Variants in EPHA10 observed in about 807,000 individuals in gnomAD.
EPHA10 encodes the protein ephrin type-A receptor 10.
Under a neutral mutation model 109.7 loss-of-function variants are expected in EPHA10, and 120 were observed. The ratio of observed to expected loss-of-function variants is 1.09; its 90% CI spans 0.94 to 1.27. The LOEUF is 1.27. Among genes scored for constraint, EPHA10 ranks in the 50% most tolerant of loss-of-function variants. The pLI, the probability that EPHA10 is intolerant of heterozygous loss-of-function variation, is 0.00. For synonymous variants in EPHA10, 640 were observed against 618.9 expected (o/e 1.03, Z -0.51); for missense variants, 1,396 against 1,411.1 (o/e 0.99, Z 0.17).
chr1:37,753,252 T>C, intron 4 of EPHA10, 26 bp from the exon 5 acceptor site: 2 of 1,012,594 alleles, frequency 2.0e-6, no homozygotes, highest in Non-Finnish European at 2.4e-6. Flanking sequence ...GGCGGGGCGG[T>C]CAGGGCGGGG....
At chr1:37,731,957 A>G (rs12127877) in intron 6 of EPHA10, among the ~76,000 whole-genome samples, 27,130 of 152,282 alleles carry the variant, frequency 0.18, 2,533 homozygotes, top group Middle Eastern at 0.27. Flanking sequence ...CTCAAAGGAC[A>G]GAATGAGAGA....
At chr1:37,760,174 T>C (rs1646419365) in intron 3 of EPHA10, 22 of 653,446 alleles carry the variant, frequency 3.4e-5, no homozygotes, top group East Asian at 7.8e-5. Flanking sequence ...TTGTGATTTT[T>C]AAATTTTTGC....
At chr1:37,757,637 A>G (rs572432738) in intron 3 of EPHA10, among the ~76,000 whole-genome samples, 2 of 152,226 alleles carry the variant, frequency 1.3e-5, no homozygotes, top group East Asian at 3.9e-4. Flanking sequence ...TTCTGTTCTC[A>G]TCAGACATGG....
rs1645827399 is a variant in EPHA10, at chr1:37,723,103, ACAGC to A, written c.1894_1897del (p.Ala632CysfsTer42). 2 of 1,614,096 alleles carry A rather than the reference ACAGC, an allele frequency of 1.2e-6. No individual in the cohort carries two copies. The highest frequency in any genetic ancestry group is 2.7e-5 in the African/African-American group (2 of 74,932). ...ATCCAGTTCCTTGGCGAACAGATGC[ACAGC>A]CTGCAGCAGGTCCCCACAGCTCTGG... On this transcript the variant is annotated frameshift_variant, in exon 10 of 17. Coordinates refer to ENST00000373048, the MANE Select transcript of EPHA10 (RefSeq NM_001099439.2). LOFTEE classifies it high-confidence loss of function.
intron 11 of EPHA10, among the ~76,000 whole-genome samples, chr1:37,721,261 A>G (rs1471478855): frequency 6.6e-6 from 1 of 150,640 alleles, no homozygotes; most frequent in Admixed American, 6.6e-5. Context: ...CTACTAAAAA[A>G]AAAAAAAAAC....
intron 4 of EPHA10, among the ~76,000 whole-genome samples, chr1:37,753,634 A>G (rs1057037193): frequency 4.2e-5 from 6 of 143,556 alleles, no homozygotes; most frequent in Non-Finnish European, 7.6e-5. Context: ...AGGGCGGATG[A>G]GCCCGGGGCA....
chr1:37,720,432 C>A lies in EPHA10; in HGVS notation c.2331G>T (p.Leu777=). Reference sequence around the variant, plus strand: ...TCTTGCAGACAAGGTCGCTGCTGACCAGCACATGGCGAGCTGCCAGGCCCC... The same window carrying A: ...TCTTGCAGACAAGGTCGCTGCTGACAAGCACATGGCGAGCTGCCAGGCCCC... ...VHRGLAARHV[L]VSSDLVCKIS... is the part of the protein sequence containing the mutation. The change falls in exon 13 of 17, where the codon CTG becomes CTT. Residue 777 remains leucine, a synonymous_variant. Coordinates refer to ENST00000373048, the MANE Select transcript of EPHA10 (RefSeq NM_001099439.2). 1 of 1,613,554 alleles carries A rather than the reference C, an allele frequency of 6.2e-7. No homozygotes were observed. The highest frequency in any genetic ancestry group is 1.1e-5 in the South Asian group (1 of 91,068).
Position 37,754,233 on chromosome 1 carries a change from G to A in EPHA10, c.988C>T (p.Pro330Ser). ...GACTCACGGGTGCAGGAAGCCGAGG[G>A]CGGGTCGGTGGGTGAGCGCGCATAG... is the stretch of plus-strand genomic sequence containing the variant. The part of the protein sequence containing the change: ...DSYARSPTDP[P>S]SASCTRPPSA... The change falls in exon 4 of 17, where the codon CCC becomes TCC. Residue 330 changes from proline to serine, a missense_variant. Transcript: ENST00000373048. The surrounding 1 kb of genome is among the most constrained non-coding windows in gnomAD (Gnocchi z 4.5). The A allele has an allele frequency of 1.5e-6, 2 of 1,308,064 alleles. No homozygotes were observed. Among genetic ancestry groups the A allele is most frequent in the Admixed American group, 4.0e-5 (1 of 24,848 alleles). The allele number at this position is 1,308,064 out of a possible 1,614,324, so 81.0% of individuals were successfully genotyped here.
chr1:37,743,805 C>T (rs192544975), intron 5 of EPHA10, among the ~76,000 whole-genome samples: 25 of 152,200 alleles, frequency 1.6e-4, no homozygotes, highest in Admixed American at 7.9e-4. Context: ...GCATTAAATG[C>T]ATTTTTGACT....
At chr1:37,738,339 C>T (rs979868953) in intron 5 of EPHA10, among the ~76,000 whole-genome samples, 11 of 151,910 alleles carry the variant, frequency 7.2e-5, no homozygotes, top group Admixed American at 1.3e-4. Context: ...TGCACTCCAG[C>T]GTGGGCAACA....
At chr1:37,731,694 C>T in intron 6 of EPHA10, 112 bp from the exon 7 acceptor site, 1 of 1,247,062 alleles carries the variant, frequency 8.0e-7, no homozygotes, top group South Asian at 1.7e-5. Flanking sequence ...TGAATGTGGG[C>T]TGAGTGCGAA....
chr1:37,748,656 A>G (rs1031710387), intron 5 of EPHA10, among the ~76,000 whole-genome samples: 6 of 152,172 alleles, frequency 3.9e-5, no homozygotes, highest in Admixed American at 3.3e-4. Context: ...TAATATATCT[A>G]GTAGGGTATA....
Position 37,764,821 on chromosome 1 carries a change from C to T in EPHA10, c.106+140G>A, listed in dbSNP as rs1646461265. ...CTTGATCACATTTTTCTCTGTCTCT[C>T]CAGTTCTTTGCTGCCTGCTTGCTTC... is the stretch of plus-strand genomic sequence containing the variant. On this transcript the variant is annotated intron_variant, in intron 1 of 16. Coordinates refer to ENST00000373048, the MANE Select transcript of EPHA10 (RefSeq NM_001099439.2). This position sits in a 1 kb window ranked among gnomAD's most constrained non-coding sequence, Gnocchi z 5.8. 1 of 666,972 alleles carries T rather than the reference C, an allele frequency of 1.5e-6. No individual in the cohort carries two copies. The highest frequency in any genetic ancestry group is 3.0e-5 in the Admixed American group (1 of 33,878). The allele number at this position is 666,972 out of a possible 1,614,324, so 41.3% of individuals were successfully genotyped here. A position where few individuals can be genotyped will look rare whatever the true frequency, so the allele number is the denominator to read the frequency against.
chr1:37,745,982 G>T (rs1186457130), intron 5 of EPHA10, among the ~76,000 whole-genome samples: 1 of 152,122 alleles, frequency 6.6e-6, no homozygotes, highest in African/African-American at 2.4e-5. Flanking sequence ...TCTGTAATCC[G>T]GTAAGAGCTG....
chr1:37,726,945 A>T (rs1645901805), intron 8 of EPHA10, among the ~76,000 whole-genome samples, 157 bp downstream of exon 8: 1 of 152,130 alleles, frequency 6.6e-6, no homozygotes. Flanking sequence ...AGCTGGGGGG[A>T]GGGGCCGGGA....
chr1:37,762,905 G>T, intron 1 of EPHA10, 56 bp from the exon 2 acceptor site: 2 of 1,487,012 alleles, frequency 1.3e-6, no homozygotes, highest in Non-Finnish European at 1.8e-6. Context: ...TTTAGCAAGA[G>T]AGTGGAATCC....
rs560699347 is a variant in EPHA10 at position 37,727,266 on chromosome 1, C to G, written c.1664-56G>C. On this transcript the variant is annotated intron_variant, in intron 7 of 16. Transcript: ENST00000373048. ...CAGAGGACCAGGCTCCTAGGCAAGC[C>G]CCAGGGCAGACTCCTGTCCTCACCC... 4.9e-6 allele frequency: 7 copies of G among 1,437,668 alleles called. No homozygotes were observed. In the African/African-American group the frequency reaches 8.5e-5, roughly 18 times the overall value. The allele number at this position is 1,437,668 out of a possible 1,614,324, so 89.1% of individuals were successfully genotyped here. A position where few individuals can be genotyped will look rare whatever the true frequency, so the allele number is the denominator to read the frequency against.
At chr1:37,742,264 A>G (rs907842395) in intron 5 of EPHA10, among the ~76,000 whole-genome samples, 4 of 152,196 alleles carry the variant, frequency 2.6e-5, no homozygotes, top group African/African-American at 9.6e-5. Context: ...CTTTCCTGCT[A>G]GCTGAGCTGA....
chr1:37,719,609 T>A lies in EPHA10; in HGVS notation c.2563-2A>T. ...GCCATCCTCCACAGCCTTGATCACC[T>A]GGGCCACAGGGGTGGGGAGCAGAGA... On this transcript the variant is annotated splice_acceptor_variant, in intron 14 of 16. Coordinates refer to ENST00000373048, the MANE Select transcript of EPHA10 (RefSeq NM_001099439.2). LOFTEE classifies it high-confidence loss of function. The A allele has an allele frequency of 6.2e-7, 1 of 1,613,050 alleles. No individual in the cohort carries two copies. Among genetic ancestry groups the A allele is most frequent in the Non-Finnish European group, 8.5e-7 (1 of 1,179,834 alleles).
Sources: allele counts gnomAD v4.1 joint callset (sites outside exome capture counted in the v4.1 genomes callset), GRCh38; gene constraint gnomAD v4.1.1; non-coding constraint Gnocchi (gnomAD v3.1); transcripts MANE v1.5; gene names NCBI Gene and HGNC (gene_info 2026-07-23, HGNC 2026-07-21).